PCSK5: variants seen among roughly 807,000 people sequenced by gnomAD.
The protein encoded by PCSK5 is proprotein convertase subtilisin/kexin type 5.
PCSK5 carries 129 observed loss-of-function variants against 233.2 expected under a neutral mutation model. The ratio of observed to expected loss-of-function variants is 0.55; its 90% confidence interval spans 0.48 to 0.64. The LOEUF (loss-of-function observed/expected upper bound fraction) is 0.64, where lower values mean the gene tolerates loss of function less well. PCSK5 is among the 30% of genes least tolerant of loss of function. PCSK5 has a pLI of 0.00. For missense variants in PCSK5, 2,076 were observed against 2,430.1 expected (o/e 0.85, Z 3.06); for synonymous variants, 825 against 879.2 (o/e 0.94, Z 1.09).
At chr9:75,902,214 T>TAAAAAAAAAAAAAAAAAAAAA (rs200579439) in intron 1 of PCSK5, among the ~76,000 whole-genome samples, 8 of 53,288 alleles carry the variant, frequency 1.5e-4, no homozygotes, top group Admixed American at 4.4e-4. Context: ...AGACACCATC[T>TAAAAAAAAAAAAAAAAAAAAA]AAAAAAAAAA....
chr9:75,995,286 A>G (rs1207191375), intron 3 of PCSK5, among the ~76,000 whole-genome samples: 2 of 152,228 alleles, frequency 1.3e-5, no homozygotes, highest in Non-Finnish European at 2.9e-5. Context: ...AAACCATAAA[A>G]ATCATCATGG....
chr9:76,065,610 C>T (rs1830258745), intron 5 of PCSK5, among the ~76,000 whole-genome samples: 4 of 152,144 alleles, frequency 2.6e-5, no homozygotes, highest in Admixed American at 2.6e-4. Context: ...GTTATCTTTT[C>T]ACTCTGTTAA....
rs549290810 is a variant in PCSK5, at chr9:76,354,092, G to A, written c.5127G>A (p.Gly1709=). The change falls in exon 37 of 38, where the codon GGG becomes GGA. Residue 1709 remains glycine, a synonymous_variant. Coordinates refer to ENST00000674117, the MANE Select transcript of PCSK5 (RefSeq NM_001372043.1). ...HESCMECKGP[G]AKNCTLCPAN... ...GCTGCATGGAATGCAAGGGACCAGG[G>A]GCCAAGAACTGCACCTTGTGCCCTG... The A allele has an allele frequency of 1.4e-5, 22 of 1,608,780 alleles. No homozygotes were observed. In the Admixed American group the frequency reaches 3.5e-4, roughly 26 times the overall value.
chr9:76,023,771 G>A lies in PCSK5; in HGVS notation c.445G>A (p.Asp149Asn), dbSNP rs1157901674. Residue 149 changes from aspartate (D) to asparagine (N), a missense_variant, in exon 4 of 38, where the codon GAC becomes AAC. Coordinates refer to ENST00000674117, the MANE Select transcript of PCSK5 (RefSeq NM_001372043.1). ...CSDNTHPCQS[D>N]MNIEGAWKRG... ...TGACAATACACATCCCTGCCAGTCT[G>A]ACATGAATATCGAAGGAGCCTGGAA... The A allele has an allele frequency of 1.2e-6, 2 of 1,613,214 alleles. No homozygotes were observed. Among genetic ancestry groups the A allele is most frequent in the Non-Finnish European group, 1.7e-6 (2 of 1,179,390 alleles).
intron 5 of PCSK5, among the ~76,000 whole-genome samples, chr9:76,040,140 T>C (rs1438255452): frequency 6.6e-6 from 1 of 152,226 alleles, no homozygotes; most frequent in Non-Finnish European, 1.5e-5. Flanking sequence ...ATAAGGAATC[T>C]TCTGTCTTAA....
chr9:76,247,535 G>A (rs939301765), intron 24 of PCSK5, among the ~76,000 whole-genome samples: 1 of 152,154 alleles, frequency 6.6e-6, no homozygotes, highest in Non-Finnish European at 1.5e-5. Flanking sequence ...CAAGCCCCAT[G>A]TTTAAAGGTG....
At position 76,289,054 on chromosome 9, in the gene PCSK5, C is replaced by T. The variant is rs182874134; in HGVS notation, c.3143-3179C>T. ...CGTGATGAGTGACAGTACAGATGAT[C>T]CCCAAAGACACAGTGGGAAGGTGAC... On this transcript the variant is annotated intron_variant, in intron 24 of 37. Coordinates refer to ENST00000674117, the MANE Select transcript of PCSK5 (RefSeq NM_001372043.1). Among the ~76,000 whole-genome samples, 585 of 152,274 alleles carry T rather than the reference C, an allele frequency of 3.8e-3. 3 individuals are homozygous for T. The highest frequency in any genetic ancestry group is 6.5e-3 in the Non-Finnish European group (444 of 68,030).
intron 1 of PCSK5, among the ~76,000 whole-genome samples, chr9:75,926,970 T>C (rs1823520605): frequency 6.6e-6 from 1 of 152,230 alleles, no homozygotes; most frequent in Admixed American, 6.5e-5. Flanking sequence ...TTTTAATTTC[T>C]TTTGGGTAAA....
intron 14 of PCSK5, among the ~76,000 whole-genome samples, chr9:76,176,165 A>G (rs1823605899): frequency 6.6e-6 from 1 of 152,186 alleles, no homozygotes. Flanking sequence ...CCATTAATTC[A>G]TCTGGAACTC....
chr9:76,082,016 C>A (rs1332407882), intron 7 of PCSK5, among the ~76,000 whole-genome samples: 1 of 152,106 alleles, frequency 6.6e-6, no homozygotes, highest in African/African-American at 2.4e-5. Context: ...TTTTCATAGG[C>A]AAATCTTGTC....
chr9:76,236,164 G>A (rs1587790006), intron 22 of PCSK5, among the ~76,000 whole-genome samples: 1 of 152,188 alleles, frequency 6.6e-6, no homozygotes, highest in African/African-American at 2.4e-5. Context: ...AACAGCTACA[G>A]TAAGCAAAAT....
At chr9:76,312,303 A>T (rs184839975) in intron 30 of PCSK5, among the ~76,000 whole-genome samples, 13 of 152,246 alleles carry the variant, frequency 8.5e-5, no homozygotes, top group Non-Finnish European at 1.5e-4. Context: ...TGAGGTCAGG[A>T]GTTCAAAACC....
chr9:76,343,151 G>A (rs1260762831), intron 35 of PCSK5, among the ~76,000 whole-genome samples: 1 of 142,236 alleles, frequency 7.0e-6, no homozygotes, highest in Non-Finnish European at 1.5e-5. Context: ...ACTCTCTACT[G>A]ACCTTAGGAT....
intron 20 of PCSK5, among the ~76,000 whole-genome samples, chr9:76,201,455 G>A (rs1040556257): frequency 6.6e-6 from 1 of 152,156 alleles, no homozygotes; most frequent in African/African-American, 2.4e-5. Context: ...GAAGGTCTGG[G>A]ATTAATTTAA....
At chr9:76,129,147 C>G (rs1822651201) in intron 9 of PCSK5, among the ~76,000 whole-genome samples, 1 of 152,128 alleles carries the variant, frequency 6.6e-6, no homozygotes, top group Non-Finnish European at 1.5e-5. Context: ...ATCTTTGTGT[C>G]TCCAGCTCAC....
intron 24 of PCSK5, among the ~76,000 whole-genome samples, chr9:76,278,680 T>C (rs1025733754): frequency 6.8e-6 from 1 of 146,590 alleles, no homozygotes; most frequent in Non-Finnish European, 1.5e-5. Context: ...GCCATCTCTA[T>C]CTGTCTATCT....
At chr9:76,339,019 A>G (rs1187338142) in intron 35 of PCSK5, among the ~76,000 whole-genome samples, 1 of 151,134 alleles carries the variant, frequency 6.6e-6, no homozygotes, top group Admixed American at 6.7e-5. Context: ...GATCTTTTTC[A>G]TTCTCACTAC....
At chr9:76,107,408 C>G (rs539081158) in intron 9 of PCSK5, 57 bp downstream of exon 9, 1 of 1,114,386 alleles carries the variant, frequency 9.0e-7, no homozygotes, top group Admixed American at 1.9e-5. Flanking sequence ...TCAGGGAAAA[C>G]GTACCCCTTC....
chr9:75,897,170 G>A (rs536263345), intron 1 of PCSK5, among the ~76,000 whole-genome samples: 5 of 152,232 alleles, frequency 3.3e-5, no homozygotes, highest in African/African-American at 1.2e-4. Flanking sequence ...AAGGCATAGG[G>A]AGCATTATAT....
Sources: gnomAD v4.1 joint callset for allele counts (sites outside exome capture counted in the v4.1 genomes callset) on GRCh38, gnomAD v4.1.1 for gene constraint, MANE v1.5 for transcripts, NCBI Gene and HGNC (gene_info 2026-07-23, HGNC 2026-07-21) for gene names.